PDE8A: variants seen among roughly 807,000 people sequenced by gnomAD.
The protein encoded by PDE8A is phosphodiesterase 8A, also known as high affinity cAMP-specific and IBMX-insensitive 3',5'-cyclic phosphodiesterase 8A.
PDE8A carries 59 observed loss-of-function variants against 105.0 expected under a neutral mutation model. The observed-to-expected ratio is 0.56, with a 90% CI of 0.46 to 0.70. The LOEUF is 0.70. PDE8A is among the 30% of genes least tolerant of loss of function. PDE8A has a pLI of 0.00. For missense variants in PDE8A, 1,014 were observed against 1,045.9 expected, an observed-to-expected ratio of 0.97 and a Z score of 0.42; for synonymous variants, 355 against 371.9, an observed-to-expected ratio of 0.95 and a Z score of 0.52.
At chr15:85,134,996 G>A (rs937311072) in intron 20 of PDE8A, among the ~76,000 whole-genome samples, 1 of 152,206 alleles carries the variant, frequency 6.6e-6, no homozygotes, top group African/African-American at 2.4e-5. Context: ...GTAGAGCTGC[G>A]GTGGGGGGAG....
intron 1 of PDE8A, among the ~76,000 whole-genome samples, chr15:85,031,970 G>A (rs886667626): frequency 7.2e-5 from 11 of 152,156 alleles, no homozygotes; most frequent in African/African-American, 2.4e-4. Context: ...TAGGAGTTTT[G>A]TTCCCTGGCA....
chr15:85,036,811 C>A lies in PDE8A; in HGVS notation c.187-27559C>A, dbSNP rs149969000. Among the ~76,000 whole-genome samples the A allele has an allele frequency of 3.1e-3, 474 of 152,234 alleles. 2 individuals carry two copies. The highest frequency in any genetic ancestry group is 0.011 in the African/African-American group (459 of 41,532). On this transcript the variant is annotated intron_variant, in intron 1 of 21. Transcript: ENST00000394553. The stretch of plus-strand genomic sequence containing the variant: ...CAAAAATGCTTTTTTAGAGAAAGAG[C>A]TTTAAACATCCATCAGGCCCCAAGA...
At chr15:85,067,721 T>C (rs920817010) in intron 3 of PDE8A, among the ~76,000 whole-genome samples, 1 of 152,164 alleles carries the variant, frequency 6.6e-6, no homozygotes, top group Non-Finnish European at 1.5e-5. Flanking sequence ...TAAGGACATT[T>C]AAAATCTTGA....
chr15:85,118,666 C>G (rs2082133504), intron 17 of PDE8A, among the ~76,000 whole-genome samples: 1 of 152,246 alleles, frequency 6.6e-6, no homozygotes, highest in African/African-American at 2.4e-5. Context: ...TCTCCTTTGT[C>G]CCAGTCACAG....
At position 85,138,245 on chromosome 15, in the gene PDE8A, G is replaced by GCAAA. The variant is rs1234402340; in HGVS notation, c.*346_*349dup. On this transcript the variant is annotated 3_prime_UTR_variant, in exon 22 of 22. Transcript: ENST00000394553. ...CTGCCAGTGACAGAGCATGTCTATT[G>GCAAA]CAAACAATTCTCTCAGTTACGTTCA... is the stretch of plus-strand genomic sequence containing the variant. 2 of 199,756 alleles carry GCAAA rather than the reference G, an allele frequency of 1.0e-5. 1 individual carries two copies. The highest frequency in any genetic ancestry group is 2.4e-4 in the East Asian group (2 of 8,432). 12.4% of individuals were successfully genotyped at this position (199,756 alleles called of 1,614,324 possible).
In PDE8A at chr15:85,115,461, G is replaced by T; in HGVS notation, c.1373G>T (p.Gly458Val). The T allele has an allele frequency of 6.5e-7, 1 of 1,539,300 alleles. No individual in the cohort carries two copies. Among genetic ancestry groups the T allele is most frequent in the Non-Finnish European group, 8.7e-7 (1 of 1,143,054 alleles). ...CAGGATGGTTTGCGAAGACTATCAG[G>T]GAATGAATATGTTCTTTCAACAAAA... Reference protein sequence around the residue: ...LMSDGLRRLSGNEYVLSTKNT... With the variant: ...LMSDGLRRLSVNEYVLSTKNT... The change falls in exon 15 of 22, where the codon GGG (glycine) becomes GTG (valine). Residue 458 changes from glycine (G) to valine (V), a missense_variant. By Grantham distance (109) the Gly-to-Val change is moderately radical. Coordinates refer to ENST00000394553, the MANE Select transcript of PDE8A (RefSeq NM_002605.3).
intron 1 of PDE8A, among the ~76,000 whole-genome samples, chr15:85,007,316 C>T (rs964685905): frequency 6.6e-6 from 1 of 151,520 alleles, no homozygotes; most frequent in Admixed American, 6.6e-5. Flanking sequence ...TAAGTGAAGA[C>T]TGAAGAAGCA....
chr15:85,098,693 C>CT (rs1375145206), intron 9 of PDE8A, among the ~76,000 whole-genome samples: 7 of 152,058 alleles, frequency 4.6e-5, no homozygotes, highest in African/African-American at 1.7e-4. Context: ...ATTAAATTAC[C>CT]TCATGCCTGT....
rs945123858 is a variant in PDE8A at position 85,099,856 on chromosome 15, C to A, written c.942-159C>A. ...CGCCAAAGGATGTTTGTGATCTCTT[C>A]TTTATTTATTGGTGGCCTTGGTCAC... On this transcript the variant is annotated intron_variant, in intron 9 of 21. Transcript: ENST00000394553. 9.3e-6 allele frequency: 6 copies of A among 645,184 alleles called. No homozygotes were observed. The East Asian group carries it at 1.0e-4, about 11-fold the overall frequency. 40.0% of individuals were successfully genotyped at this position (645,184 alleles called of 1,614,324 possible).
intron 8 of PDE8A, among the ~76,000 whole-genome samples, chr15:85,095,652 A>C (rs1026217132): frequency 6.6e-6 from 1 of 150,538 alleles, no homozygotes; most frequent in Non-Finnish European, 1.5e-5. Context: ...CTGGAACTAA[A>C]TCTTATATGA....
intron 2 of PDE8A, among the ~76,000 whole-genome samples, chr15:85,066,413 T>C (rs1367436498): frequency 6.6e-6 from 1 of 151,778 alleles, no homozygotes; most frequent in Non-Finnish European, 1.5e-5. Flanking sequence ...ATACAAAAAT[T>C]AGCCGGGCAT....
At chr15:85,033,233 C>G (rs2080645706) in intron 1 of PDE8A, among the ~76,000 whole-genome samples, 1 of 152,134 alleles carries the variant, frequency 6.6e-6, no homozygotes, top group South Asian at 2.1e-4. Flanking sequence ...GGATTCAAAA[C>G]CAAATGCTTC....
chr15:85,061,321 C>T (rs1393895510), intron 1 of PDE8A, among the ~76,000 whole-genome samples: 2 of 152,008 alleles, frequency 1.3e-5, no homozygotes, highest in African/African-American at 4.8e-5. Context: ...GCAACTTCTG[C>T]CTCCCAGGTT....
chr15:85,043,610 C>A (rs553958384), intron 1 of PDE8A, among the ~76,000 whole-genome samples: 3 of 152,132 alleles, frequency 2.0e-5, no homozygotes, highest in Non-Finnish European at 4.4e-5. Context: ...GTATTTAATA[C>A]GTTAATACGA....
At chr15:85,097,775 G>A in intron 8 of PDE8A, 173 bp from the exon 9 acceptor site, 1 of 581,828 alleles carries the variant, frequency 1.7e-6, no homozygotes, top group South Asian at 2.1e-5. Flanking sequence ...AGAAGGAGGT[G>A]GACTTTGGAA....
At chr15:85,102,796 G>A (rs1312575463) in intron 11 of PDE8A, among the ~76,000 whole-genome samples, 3 of 147,536 alleles carry the variant, frequency 2.0e-5, no homozygotes, top group Non-Finnish European at 4.5e-5. Context: ...CCGAGATCGC[G>A]CCATTGTACT....
At chr15:85,137,738 A>G (rs956944528) in intron 21 of PDE8A, 59 bp from the exon 22 acceptor site, 6 of 1,106,872 alleles carry the variant, frequency 5.4e-6, no homozygotes, top group Admixed American at 5.2e-5. Context: ...CTCTTAGTGA[A>G]AGCCTAAAAT....
intron 11 of PDE8A, among the ~76,000 whole-genome samples, chr15:85,108,441 A>G (rs2081976286): frequency 6.6e-6 from 1 of 152,312 alleles, no homozygotes; most frequent in Admixed American, 6.5e-5. Flanking sequence ...TCAGGAAGGT[A>G]AGTCAGAGTT....
chr15:84,996,221 G>C (rs1318540836), intron 1 of PDE8A, among the ~76,000 whole-genome samples: 4 of 151,438 alleles, frequency 2.6e-5, no homozygotes, highest in African/African-American at 9.7e-5. Flanking sequence ...GTCTTGCTCT[G>C]TTGCCCAGGC....
Sources: gnomAD v4.1 joint callset for allele counts (sites outside exome capture counted in the v4.1 genomes callset) on GRCh38, gnomAD v4.1.1 for gene constraint, MANE v1.5 for transcripts, NCBI Gene and HGNC (gene_info 2026-07-23, HGNC 2026-07-21) for gene names.